RUNDC3B: variants seen among roughly 807,000 people sequenced by gnomAD.
RUNDC3B encodes RUN domain containing 3B, also known as RUN domain-containing protein 3B.
A neutral mutation model predicts 58.4 loss-of-function variants in RUNDC3B; 33 were observed. The ratio of observed to expected loss-of-function variants is 0.56; its 90% CI spans 0.43 to 0.75. The LOEUF is 0.75. RUNDC3B is among the 30% of genes least tolerant of loss of function. The probability of loss-of-function intolerance (pLI) is 0.00; values close to 1 mark genes in which losing one functional copy is unlikely to be tolerated. For synonymous variants in RUNDC3B, 193 were observed against 195.2 expected (o/e 0.99, Z 0.10); for missense variants, 501 against 535.7 (o/e 0.94, Z 0.64).
intron 8 of RUNDC3B, among the ~76,000 whole-genome samples, chr7:87,783,340 T>C (rs1452255585): frequency 3.9e-5 from 6 of 152,180 alleles, no homozygotes; most frequent in Non-Finnish European, 1.5e-5. Flanking sequence ...TCTTTTTTGT[T>C]TTTAGTTTGC....
intron 3 of RUNDC3B, among the ~76,000 whole-genome samples, chr7:87,705,976 T>C (rs1016739328): frequency 3.3e-5 from 5 of 152,214 alleles, no homozygotes; most frequent in Non-Finnish European, 7.4e-5. Context: ...CCTGAGTTCT[T>C]CCTGTCTTCT....
chr7:87,788,058 A>G (rs540675443), intron 8 of RUNDC3B, among the ~76,000 whole-genome samples: 15 of 152,334 alleles, frequency 9.8e-5, no homozygotes, highest in African/African-American at 3.4e-4. Flanking sequence ...TCTTTTTGTC[A>G]GTCATATGTT....
intron 8 of RUNDC3B, among the ~76,000 whole-genome samples, chr7:87,784,186 A>G (rs192340210): frequency 5.1e-4 from 78 of 152,264 alleles, no homozygotes; most frequent in African/African-American, 1.6e-3. Flanking sequence ...CAATCTTGCC[A>G]TCTAGATTTT....
intron 2 of RUNDC3B, among the ~76,000 whole-genome samples, chr7:87,658,786 C>T (rs1165451519): frequency 1.3e-5 from 2 of 152,096 alleles, no homozygotes; most frequent in Non-Finnish European, 2.9e-5. Context: ...ATGAAGGAAA[C>T]ATTAAGACCT....
intron 9 of RUNDC3B, 21 bp downstream of exon 9, chr7:87,807,540 T>A: frequency 6.3e-7 from 1 of 1,589,012 alleles, no homozygotes; most frequent in Non-Finnish European, 8.6e-7. Context: ...TACTTTTTTT[T>A]CCAACTAATT....
chr7:87,693,131 C>T (rs923992842), intron 2 of RUNDC3B, among the ~76,000 whole-genome samples: 1 of 152,240 alleles, frequency 6.6e-6, no homozygotes, highest in Middle Eastern at 3.4e-3. Flanking sequence ...AATGTTATTT[C>T]AGAAATTTGG....
intron 3 of RUNDC3B, among the ~76,000 whole-genome samples, chr7:87,705,966 C>A (rs1414009909): frequency 6.6e-6 from 1 of 152,086 alleles, no homozygotes; most frequent in East Asian, 1.9e-4. Context: ...TTGTATTGTT[C>A]CTGAGTTCTT....
chr7:87,816,929 G>A (rs1394407497), intron 10 of RUNDC3B, among the ~76,000 whole-genome samples: 1 of 152,150 alleles, frequency 6.6e-6, no homozygotes, highest in East Asian at 1.9e-4. Flanking sequence ...CTCTCCTTCA[G>A]CATAGGTTAA....
chr7:87,754,674 A>G (rs564046059), intron 6 of RUNDC3B, among the ~76,000 whole-genome samples: 10 of 152,236 alleles, frequency 6.6e-5, no homozygotes, highest in Admixed American at 3.3e-4. Context: ...AAAATAAGAT[A>G]GTTAGGTTCC....
chr7:87,700,508 T>A lies in RUNDC3B; in HGVS notation c.326T>A (p.Ile109Asn), dbSNP rs1422917568. ...VACRKVSQNC[I>N]CSIENMENVS... ...TGCCGGAAAGTTTCACAGAATTGTATCTGCAGCATTGAAAATATGGAAAAT... is the reference window on the plus strand; with the variant it reads ...TGCCGGAAAGTTTCACAGAATTGTAACTGCAGCATTGAAAATATGGAAAAT... The change falls in exon 3 of 11, where the codon ATC becomes AAC. Residue 109 changes from isoleucine (I) to asparagine (N), a missense_variant. Coordinates refer to ENST00000394654, the MANE Select transcript of RUNDC3B (RefSeq NM_001134405.2). 1 of 1,613,392 alleles carries A rather than the reference T, an allele frequency of 6.2e-7. No individual in the cohort carries two copies. The highest frequency in any genetic ancestry group is 8.5e-7 in the Non-Finnish European group (1 of 1,179,680).
chr7:87,796,518 A>G (rs1390905629), intron 8 of RUNDC3B, among the ~76,000 whole-genome samples: 1 of 152,190 alleles, frequency 6.6e-6, no homozygotes, highest in Non-Finnish European at 1.5e-5. Flanking sequence ...ACTCTTCATG[A>G]TGTGATTATT....
intron 6 of RUNDC3B, among the ~76,000 whole-genome samples, chr7:87,742,863 T>C (rs201699479): frequency 6.6e-6 from 1 of 151,988 alleles, no homozygotes; most frequent in South Asian, 2.1e-4. Flanking sequence ...CCTGTAATCC[T>C]AGCACTTTGG....
intron 2 of RUNDC3B, among the ~76,000 whole-genome samples, chr7:87,667,631 T>C (rs867714477): frequency 6.6e-6 from 1 of 152,186 alleles, no homozygotes; most frequent in African/African-American, 2.4e-5. Flanking sequence ...TTGTCATAGA[T>C]GGCTCTTATT....
rs2130499047 is a variant in RUNDC3B at position 87,668,206 on chromosome 7, C to T, written c.238+17269C>T. On this transcript the variant is annotated intron_variant, in intron 2 of 10. Coordinates refer to ENST00000394654, the MANE Select transcript of RUNDC3B (RefSeq NM_001134405.2). ...TCAGGGAATCAGTTTCTTCCTGGCT[C>T]TGTCTTGAGAGAGTGTATACGTCCA... is the stretch of plus-strand genomic sequence containing the variant. 2.0e-5 allele frequency among the ~76,000 whole-genome samples: 3 copies of T among 151,548 alleles called. No individual in the cohort carries two copies. In the East Asian group the frequency reaches 5.8e-4, roughly 29 times the overall value.
chr7:87,746,668 C>T (rs1231948579), intron 6 of RUNDC3B, among the ~76,000 whole-genome samples: 3 of 152,140 alleles, frequency 2.0e-5, no homozygotes, highest in East Asian at 3.9e-4. Flanking sequence ...GCATGAAATG[C>T]CTTTTTCCAC....
Position 87,628,886 on chromosome 7 carries a change from G to A in RUNDC3B, c.63G>A (p.Lys21=). ...GIRGGGGGGG[K]KSLSARNAAV... is the part of the protein sequence containing the mutation. The stretch of plus-strand genomic sequence containing the variant: ...GCGGCGGTGGCGGCGGAGGCGGCAA[G>A]AAAAGCCTGAGCGCCCGCAATGCTG... Residue 21 remains lysine, a synonymous_variant, in exon 1 of 11, where the codon AAG becomes AAA. Coordinates refer to ENST00000394654, the MANE Select transcript of RUNDC3B (RefSeq NM_001134405.2). 1 of 1,300,072 alleles carries A rather than the reference G, an allele frequency of 7.7e-7. No homozygotes were observed. Among genetic ancestry groups the A allele is most frequent in the Non-Finnish European group, 9.8e-7 (1 of 1,016,898 alleles). The allele number at this position is 1,300,072 out of a possible 1,614,324, so 80.5% of individuals were successfully genotyped here.
intron 5 of RUNDC3B, among the ~76,000 whole-genome samples, chr7:87,741,247 A>G (rs1257425921): frequency 2.6e-5 from 4 of 151,878 alleles, no homozygotes; most frequent in African/African-American, 4.8e-5. Flanking sequence ...ACTGGGATTA[A>G]GAATGTTAAC....
At chr7:87,659,561 A>AT (rs1197137813) in intron 2 of RUNDC3B, among the ~76,000 whole-genome samples, 1 of 151,914 alleles carries the variant, frequency 6.6e-6, no homozygotes, top group Non-Finnish European at 1.5e-5. Context: ...CAGTGTTATA[A>AT]TTTTTTTTCT....
chr7:87,663,944 T>G (rs1295876957), intron 2 of RUNDC3B, among the ~76,000 whole-genome samples: 1 of 152,160 alleles, frequency 6.6e-6, no homozygotes, highest in Non-Finnish European at 1.5e-5. Context: ...GGCCCCACCC[T>G]TATACCTCAT....
Sources: gnomAD v4.1 joint callset for allele counts (sites outside exome capture counted in the v4.1 genomes callset) on GRCh38, gnomAD v4.1.1 for gene constraint, MANE v1.5 for transcripts, NCBI Gene and HGNC (gene_info 2026-07-23, HGNC 2026-07-21) for gene names.